The following KLHL2 variants were observed in gnomAD, a reference collection of about 807,000 sequenced individuals.
The protein encoded by KLHL2 is kelch-like protein 2.
A neutral mutation model predicts 75.8 loss-of-function variants in KLHL2; 15 were observed. The observed-to-expected ratio is 0.20, with a 90% CI of 0.13 to 0.30. The LOEUF (loss-of-function observed/expected upper bound fraction) is 0.30. KLHL2 is among the 10% of genes least tolerant of loss of function. The probability of loss-of-function intolerance (pLI) is 1.00; values close to 1 mark genes in which losing one functional copy is unlikely to be tolerated. For synonymous variants in KLHL2, 214 were observed against 251.9 expected (o/e 0.85, Z 1.42); for missense variants, 381 against 741.0 (o/e 0.51, Z 5.64).
In KLHL2 at chr4:165,319,778, C is replaced by A. The variant is rs1334180002; in HGVS notation, c.1753+1809C>A. On this transcript the variant is annotated intron_variant, in intron 14 of 14. Transcript: ENST00000226725. The surrounding 1 kb of genome is among the most constrained non-coding windows in gnomAD (Gnocchi z 4.5). The stretch of plus-strand genomic sequence containing the variant: ...CTGGGATTACAGGGATGTGCCACCA[C>A]ACCTGGCTAATTTTTAAATTTTTAT... Among the ~76,000 whole-genome samples, 1 of 152,098 alleles carries A rather than the reference C, an allele frequency of 6.6e-6. No homozygotes were observed. Among genetic ancestry groups the A allele is most frequent in the Non-Finnish European group, 1.5e-5 (1 of 68,014 alleles).
intron 5 of KLHL2, among the ~76,000 whole-genome samples, chr4:165,264,593 TA>T (rs1741993295): frequency 7.0e-6 from 1 of 143,724 alleles, no homozygotes; most frequent in Admixed American, 7.1e-5. Context: ...ATCATATATA[TA>T]TATATATATA....
chr4:165,313,971 T>G, intron 12 of KLHL2, 55 bp from the exon 13 acceptor site: 1 of 1,552,102 alleles, frequency 6.4e-7, no homozygotes, highest in South Asian at 1.2e-5. Context: ...AAACCTAATA[T>G]GATATAAATC....
chr4:165,271,225 G>T lies in KLHL2; in HGVS notation c.544+7866G>T, dbSNP rs376677124. 7.9e-5 allele frequency among the ~76,000 whole-genome samples: 12 copies of T among 152,162 alleles called. No individual in the cohort carries two copies. In the East Asian group the frequency reaches 2.1e-3, roughly 27 times the overall value. ...TTTTGATAGGAATTGCATTGACTCT[G>T]TAGATTGCTTTGGACAGTATGGTCA... On this transcript the variant is annotated intron_variant, in intron 5 of 14. Transcript: ENST00000226725.
chr4:165,244,336 T>C (rs1385089003), intron 4 of KLHL2, among the ~76,000 whole-genome samples: 2 of 152,208 alleles, frequency 1.3e-5, no homozygotes, highest in Non-Finnish European at 2.9e-5. Context: ...AAATCCAACA[T>C]GTATGAGTTG....
intron 7 of KLHL2, among the ~76,000 whole-genome samples, chr4:165,298,084 A>T (rs7665057): frequency 0.02 from 2,998 of 152,292 alleles, 66 homozygotes; most frequent in East Asian, 0.11. Flanking sequence ...CGGCCTCCCA[A>T]ACTACTGGGA....
intron 5 of KLHL2, chr4:165,277,785 A>ACACACACACACACC (rs1204584506): frequency 2.5e-5 from 15 of 602,922 alleles, no homozygotes; most frequent in African/African-American, 1.9e-4. Flanking sequence ...ACACACACAC[A>ACACACACACACACC]CCAAATATTT....
In KLHL2 at chr4:165,214,207, G is replaced by A. The variant is rs115815072; in HGVS notation, c.27-5727G>A. Reference sequence around the variant, plus strand: ...GTCGTATTGCCGCCCCCTTACCAACGAAGTGATGGCAATAGTAGGAAGAGG... The same window carrying A: ...GTCGTATTGCCGCCCCCTTACCAACAAAGTGATGGCAATAGTAGGAAGAGG... On this transcript the variant is annotated intron_variant, in intron 1 of 14. Coordinates refer to ENST00000226725, the MANE Select transcript of KLHL2 (RefSeq NM_007246.4). Among the ~76,000 whole-genome samples the A allele has an allele frequency of 2.2e-3, 333 of 152,176 alleles. 1 individual carries two copies. Among genetic ancestry groups the A allele is most frequent in the Non-Finnish European group, 2.5e-3 (172 of 68,010 alleles).
chr4:165,300,433 C>T (rs1207253892), intron 8 of KLHL2, among the ~76,000 whole-genome samples: 2 of 152,156 alleles, frequency 1.3e-5, no homozygotes, highest in South Asian at 2.1e-4. Context: ...ATTGCTGTTC[C>T]CTGCTGTATA....
At chr4:165,257,115 C>T (rs1303441733) in intron 4 of KLHL2, among the ~76,000 whole-genome samples, 3 of 152,154 alleles carry the variant, frequency 2.0e-5, no homozygotes, top group Non-Finnish European at 2.9e-5. Flanking sequence ...TATTCACATT[C>T]GCAGTTTGTT....
chr4:165,219,332 T>C (rs948790910), intron 1 of KLHL2, among the ~76,000 whole-genome samples: 4 of 152,266 alleles, frequency 2.6e-5, no homozygotes, highest in Non-Finnish European at 4.4e-5. Context: ...TAATAGTAAT[T>C]TGCTCAGAGA....
intron 5 of KLHL2, among the ~76,000 whole-genome samples, chr4:165,284,298 T>C (rs1046556208): frequency 5.3e-5 from 8 of 152,172 alleles, no homozygotes; most frequent in Non-Finnish European, 8.8e-5. Context: ...ATGCTCTGTT[T>C]CCCTTTCGAA....
chr4:165,310,644 G>A lies in KLHL2; in HGVS notation c.1131G>A (p.Lys377=), dbSNP rs1479019356. ...CTGTAGATTCCTACGACCCTGTGAA[G>A]GACCAGTGGACCAGCGTTGCTAACA... ...VRTVDSYDPV[K]DQWTSVANMR... is the part of the protein sequence containing the mutation. Residue 377 remains lysine (K), a synonymous_variant, in exon 10 of 15, where the codon AAG becomes AAA. Coordinates refer to ENST00000226725, the MANE Select transcript of KLHL2 (RefSeq NM_007246.4). 1 of 1,613,966 alleles carries A rather than the reference G, an allele frequency of 6.2e-7. No individual in the cohort carries two copies. The highest frequency in any genetic ancestry group is 1.3e-5 in the African/African-American group (1 of 74,906).
intron 12 of KLHL2, 97 bp from the exon 13 acceptor site, chr4:165,313,929 C>G: frequency 8.0e-7 from 1 of 1,254,336 alleles, no homozygotes; most frequent in Non-Finnish European, 1.1e-6. Context: ...TGAATTATAA[C>G]TTCGAAAGTT....
intron 3 of KLHL2, among the ~76,000 whole-genome samples, chr4:165,237,641 G>A (rs1265990941): frequency 6.6e-6 from 1 of 152,164 alleles, no homozygotes; most frequent in African/African-American, 2.4e-5. Flanking sequence ...ACAGTGCATT[G>A]TATCAGAAAA....
At chr4:165,289,509 GTTTTTTTTT>G (rs1194080743) in intron 5 of KLHL2, among the ~76,000 whole-genome samples, 2 of 112,974 alleles carry the variant, frequency 1.8e-5, no homozygotes, top group Non-Finnish European at 1.8e-5. Context: ...TTTTGGTTTG[GTTTTTTTTT>G]TTTTTTTTTT....
intron 5 of KLHL2, among the ~76,000 whole-genome samples, chr4:165,279,950 T>C (rs1008597701): frequency 1.1e-4 from 16 of 152,254 alleles, no homozygotes; most frequent in African/African-American, 3.6e-4. Flanking sequence ...CATAGCTCCC[T>C]GTGACTATCA....
At chr4:165,278,186 A>T (rs1340971934) in intron 5 of KLHL2, 1 of 1,309,598 alleles carries the variant, frequency 7.6e-7, no homozygotes, top group Non-Finnish European at 1.1e-6. Flanking sequence ...CTGAGGTTCA[A>T]ACCGCTCCAT....
intron 1 of KLHL2, among the ~76,000 whole-genome samples, chr4:165,211,587 A>T (rs967981982): frequency 6.6e-6 from 1 of 152,258 alleles, no homozygotes; most frequent in African/African-American, 2.4e-5. Context: ...AACTAAATGT[A>T]CATTGGGCAT....
chr4:165,223,647 T>C, intron 2 of KLHL2, among the ~76,000 whole-genome samples: 1 of 152,138 alleles, frequency 6.6e-6, no homozygotes, highest in East Asian at 1.9e-4. Flanking sequence ...GGCAGTGGGA[T>C]TCAGTGAAGG....
Sources: gnomAD v4.1 joint callset for allele counts (sites outside exome capture counted in the v4.1 genomes callset) on GRCh38, gnomAD v4.1.1 for gene constraint, Gnocchi (gnomAD v3.1) non-coding constraint, MANE v1.5 for transcripts, NCBI Gene and HGNC (gene_info 2026-07-23, HGNC 2026-07-21) for gene names.